MEDAG: variants seen among roughly 807,000 people sequenced by gnomAD.
MEDAG encodes the protein mesenteric estrogen dependent adipogenesis.
A neutral mutation model predicts 29.9 loss-of-function variants in MEDAG; 25 were observed. The ratio of observed to expected loss-of-function variants is 0.84; its 90% CI spans 0.61 to 1.17. The LOEUF is 1.17. Among genes scored for constraint, MEDAG ranks in the 50% most tolerant of loss-of-function variants. The pLI is 0.00. For synonymous variants in MEDAG, 158 were observed against 148.2 expected, an observed-to-expected ratio of 1.07 and a Z score of -0.48; for missense variants, 398 against 372.9, an observed-to-expected ratio of 1.07 and a Z score of -0.56.
intron 3 of MEDAG, 40 bp downstream of exon 3, chr13:30,921,166 T>A (rs1472244314): frequency 3.3e-6 from 5 of 1,528,152 alleles, no homozygotes; most frequent in African/African-American, 1.4e-5. Flanking sequence ...GTCAACCACA[T>A]GGAAGGAGCT....
intron 1 of MEDAG, among the ~76,000 whole-genome samples, chr13:30,910,743 G>C (rs911189277): frequency 6.6e-6 from 1 of 152,238 alleles, no homozygotes; most frequent in East Asian, 1.9e-4. Context: ...CCTACTCAGG[G>C]CGGAGAATGC....
chr13:30,910,817 A>T (rs1021354440), intron 1 of MEDAG, among the ~76,000 whole-genome samples: 1 of 152,200 alleles, frequency 6.6e-6, no homozygotes, highest in Non-Finnish European at 1.5e-5. Context: ...CACACTTGGA[A>T]GTTTACTGGG....
At chr13:30,918,257 A>G (rs1194812493) in intron 2 of MEDAG, among the ~76,000 whole-genome samples, 2 of 152,226 alleles carry the variant, frequency 1.3e-5, no homozygotes, top group Non-Finnish European at 2.9e-5. Flanking sequence ...ATGGATCACC[A>G]CAACAACTTT....
At position 30,924,541 on chromosome 13, in the gene MEDAG, A is replaced by C; in HGVS notation, c.*106A>C. On this transcript the variant is annotated 3_prime_UTR_variant, in exon 5 of 5. Transcript: ENST00000380482. ...AGGCAGATACTTCCACCTGCGTGTC[A>C]ATCTCCGGCTCCTCCATGGCTTCTA... 1 of 1,190,692 alleles carries C rather than the reference A, an allele frequency of 8.4e-7. No homozygotes were observed. The highest frequency in any genetic ancestry group is 1.6e-5 in the South Asian group (1 of 62,488). 73.8% of individuals were successfully genotyped at this position (1,190,692 alleles called of 1,614,324 possible). A position where few individuals can be genotyped will look rare whatever the true frequency, so the allele number is the denominator to read the frequency against.
intron 4 of MEDAG, among the ~76,000 whole-genome samples, chr13:30,923,328 C>T (rs1322349675): frequency 6.6e-6 from 1 of 151,998 alleles, no homozygotes; most frequent in Non-Finnish European, 1.5e-5. Context: ...TTCCCTCCTT[C>T]CTCCTCTCTC....
rs764811845 is a variant in MEDAG at position 30,906,700 on chromosome 13, A to G, written c.185A>G (p.Glu62Gly). Residue 62 changes from glutamate to glycine, a missense_variant, in exon 1 of 5, where the codon GAG becomes GGG. Glu to Gly is a moderately conservative substitution (Grantham distance 98). Coordinates refer to ENST00000380482, the MANE Select transcript of MEDAG (RefSeq NM_032849.4). ...CAGCTCGTGGTGGCCAGGCCCGGGG[A>G]GCCGGCGGCGGCGCGGGGGGGCTTC... ...GDQLVVARPG[E>G]PAAARGGFNV... 1.3e-6 allele frequency: 2 copies of G among 1,522,912 alleles called. No individual in the cohort carries two copies. The highest frequency in any genetic ancestry group is 1.2e-5 in the South Asian group (1 of 80,990). 94.3% of individuals were successfully genotyped at this position (1,522,912 alleles called of 1,614,324 possible).
Position 30,906,708 on chromosome 13 carries a change from G to A in MEDAG, c.193G>A (p.Ala65Thr). 1 of 1,517,500 alleles carries A rather than the reference G, an allele frequency of 6.6e-7. No homozygotes were observed. The highest frequency in any genetic ancestry group is 8.8e-7 in the Non-Finnish European group (1 of 1,141,772). The allele number at this position is 1,517,500 out of a possible 1,614,324, so 94.0% of individuals were successfully genotyped here. A position where few individuals can be genotyped will look rare whatever the true frequency, so the allele number is the denominator to read the frequency against. Reference sequence around the variant, plus strand: ...GGTGGCCAGGCCCGGGGAGCCGGCGGCGGCGCGGGGGGGCTTCAACGTCTT... The same window carrying A: ...GGTGGCCAGGCCCGGGGAGCCGGCGACGGCGCGGGGGGGCTTCAACGTCTT... Reference protein sequence around the residue: ...LVVARPGEPAAARGGFNVFGD... With the variant: ...LVVARPGEPATARGGFNVFGD... The change falls in exon 1 of 5, where the codon GCG (alanine) becomes ACG (threonine). Residue 65 changes from alanine (A) to threonine (T), a missense_variant. Transcript: ENST00000380482.
intron 1 of MEDAG, chr13:30,916,237 G>A (rs2138121891): frequency 6.6e-6 from 1 of 152,436 alleles, no homozygotes; most frequent in South Asian, 2.1e-4. Context: ...ACTGTCTTGT[G>A]TGCTGGCCCC....
intron 2 of MEDAG, among the ~76,000 whole-genome samples, chr13:30,919,183 T>TA (rs11372204): frequency 0.3 from 44,893 of 151,966 alleles, 6,849 homozygotes; most frequent in East Asian, 0.39. Flanking sequence ...TTAATTGTGA[T>TA]AAAAGCCATA....
Position 30,924,592 on chromosome 13 carries a change from G to A in MEDAG, c.*157G>A. 1.4e-6 allele frequency: 1 copy of A among 693,442 alleles called. No individual in the cohort carries two copies. The highest frequency in any genetic ancestry group is 2.5e-5 in the South Asian group (1 of 39,576). 43.0% of individuals were successfully genotyped at this position (693,442 alleles called of 1,614,324 possible). On this transcript the variant is annotated 3_prime_UTR_variant, in exon 5 of 5. Transcript: ENST00000380482. ...TGGAGGACTCCTCTCTTCTGCTTCT[G>A]TGGATGTGATGCCCTGGCAGGCCCA...
chr13:30,906,694 C>T lies in MEDAG; in HGVS notation c.179C>T (p.Pro60Leu), dbSNP rs1425419597. 6.5e-7 allele frequency: 1 copy of T among 1,526,906 alleles called. No individual in the cohort carries two copies. 94.6% of individuals were successfully genotyped at this position (1,526,906 alleles called of 1,614,324 possible). ...LSGDQLVVAR[P>L]GEPAAARGGF... is the part of the protein sequence containing the mutation. ...GGCGACCAGCTCGTGGTGGCCAGGC[C>T]CGGGGAGCCGGCGGCGGCGCGGGGG... Residue 60 changes from proline to leucine, a missense_variant, in exon 1 of 5, where the codon CCC becomes CTC. Pro to Leu is a moderately conservative substitution (Grantham distance 98). Transcript: ENST00000380482.
rs760442815 is a variant in MEDAG at position 30,906,696 on chromosome 13, G to A, written c.181G>A (p.Gly61Arg). The A allele has an allele frequency of 3.9e-6, 6 of 1,526,890 alleles. No homozygotes were observed. Among genetic ancestry groups the A allele is most frequent in the East Asian group, 2.5e-5 (1 of 40,744 alleles). 94.6% of individuals were successfully genotyped at this position (1,526,890 alleles called of 1,614,324 possible). Residue 61 changes from glycine to arginine, a missense_variant, in exon 1 of 5, where the codon GGG (glycine) becomes AGG (arginine). By Grantham distance (125) the Gly-to-Arg change is moderately radical. Transcript: ENST00000380482. The stretch of plus-strand genomic sequence containing the variant: ...CGACCAGCTCGTGGTGGCCAGGCCC[G>A]GGGAGCCGGCGGCGGCGCGGGGGGG... ...SGDQLVVARP[G>R]EPAAARGGFN...
In MEDAG at chr13:30,924,500, GA is replaced by G; in HGVS notation, c.*66del. 6.6e-7 allele frequency: 1 copy of G among 1,510,956 alleles called. No homozygotes were observed. 93.6% of individuals were successfully genotyped at this position (1,510,956 alleles called of 1,614,324 possible). A position where few individuals can be genotyped will look rare whatever the true frequency, so the allele number is the denominator to read the frequency against. ...CCTGTGCTAGACTATAGGCTGGGGG[GA>G]GGGTAGGAGGTGGGAGGCAGATACT... On this transcript the variant is annotated 3_prime_UTR_variant, in exon 5 of 5. Transcript: ENST00000380482.
Position 30,924,369 on chromosome 13 carries a change from T to G in MEDAG, c.846T>G (p.Pro282=). 6.2e-7 allele frequency: 1 copy of G among 1,614,142 alleles called. No individual in the cohort carries two copies. Residue 282 remains proline, a synonymous_variant, in exon 5 of 5, where the codon CCT becomes CCG. Coordinates refer to ENST00000380482, the MANE Select transcript of MEDAG (RefSeq NM_032849.4). ...NLSPRSSLTE[P]LLAELPFPSV... The stretch of plus-strand genomic sequence containing the variant: ...CACCCAGATCATCTCTGACAGAGCC[T>G]CTTTTGGCAGAATTACCATTTCCAA...
intron 2 of MEDAG, among the ~76,000 whole-genome samples, chr13:30,918,932 T>G (rs1952956110): frequency 6.6e-6 from 1 of 152,122 alleles, no homozygotes; most frequent in South Asian, 2.1e-4. Context: ...GGAATGTAAT[T>G]CACAGCTGTA....
At chr13:30,916,145 C>T (rs1273737903) in intron 1 of MEDAG, 7 of 152,180 alleles carry the variant, frequency 4.6e-5, no homozygotes, top group Non-Finnish European at 8.8e-5. Context: ...AGAAACCAAG[C>T]TGGGAGACAG....
rs1470169512 is a variant in MEDAG, at chr13:30,924,423, C to T, written c.900C>T (p.Asn300=). ...PSVLESEETP[N]QFI ...TTCTGGAATCTGAAGAGACACCCAA[C>T]CAATTTATCTGATTGAACTGAACAT... The change falls in exon 5 of 5, where the codon AAC becomes AAT. Residue 300 remains asparagine, a synonymous_variant. Transcript: ENST00000380482. The T allele has an allele frequency of 6.2e-7, 1 of 1,614,040 alleles. No individual in the cohort carries two copies. The highest frequency in any genetic ancestry group is 1.1e-5 in the South Asian group (1 of 91,042).
rs138712634 is a variant in MEDAG at position 30,921,449 on chromosome 13, G to A, written c.502-112G>A. ...ACAGTTTAAAAATATGTGTGAGAGTGAAAGGGAAATAAGAGGTGTGATGTT... is the reference window on the plus strand; with the variant it reads ...ACAGTTTAAAAATATGTGTGAGAGTAAAAGGGAAATAAGAGGTGTGATGTT... On this transcript the variant is annotated intron_variant, in intron 3 of 4. Transcript: ENST00000380482. 1,441 of 1,012,046 alleles carry A rather than the reference G, an allele frequency of 1.4e-3. 14 individuals are homozygous for A. In the African/African-American group the frequency reaches 0.022, roughly 15 times the overall value. The allele number at this position is 1,012,046 out of a possible 1,614,324, so 62.7% of individuals were successfully genotyped here.
At chr13:30,921,279 G>A (rs755367084) in intron 3 of MEDAG, among the ~76,000 whole-genome samples, 153 bp downstream of exon 3, 1 of 152,202 alleles carries the variant, frequency 6.6e-6, no homozygotes, top group Non-Finnish European at 1.5e-5. Flanking sequence ...CTCAAAGGTG[G>A]CATTATTGCT....
Sources: allele counts gnomAD v4.1 joint callset (sites outside exome capture counted in the v4.1 genomes callset), GRCh38; gene constraint gnomAD v4.1.1; transcripts MANE v1.5; gene names NCBI Gene and HGNC (gene_info 2026-07-23, HGNC 2026-07-21).